Variants in CTNNA2 observed in about 807,000 individuals in gnomAD.
CTNNA2 encodes the protein catenin alpha-2.
CTNNA2 carries 42 observed loss-of-function variants against 101.0 expected under a neutral mutation model. The observed-to-expected ratio is 0.42, with a 90% CI of 0.32 to 0.54. The LOEUF is 0.54. Among genes scored for constraint, CTNNA2 ranks in the 20% least tolerant of loss-of-function variants. The pLI is 0.14. For missense variants in CTNNA2, 871 were observed against 1,223.1 expected (o/e 0.71, Z 4.29); for synonymous variants, 450 against 456.4 (o/e 0.99, Z 0.18).
chr2:79,468,421 A>T (rs1233973755), intron 4 of CTNNA2, among the ~76,000 whole-genome samples: 2 of 152,142 alleles, frequency 1.3e-5, no homozygotes, highest in Admixed American at 6.5e-5. Flanking sequence ...CTCCCACACA[A>T]TAATAATGGG....
intron 8 of CTNNA2, among the ~76,000 whole-genome samples, chr2:80,410,058 G>T (rs1679427574): frequency 6.6e-6 from 1 of 152,294 alleles, no homozygotes; most frequent in African/African-American, 2.4e-5. Context: ...ACTGGGGAGA[G>T]ATATTTTTTT....
At chr2:79,990,452 G>A (rs1574485560) in intron 7 of CTNNA2, among the ~76,000 whole-genome samples, 2 of 152,114 alleles carry the variant, frequency 1.3e-5, no homozygotes, top group South Asian at 2.1e-4. Flanking sequence ...ATACACGGTG[G>A]CTAAGAAAAC....
At chr2:80,477,756 T>C (rs1031000674) in intron 9 of CTNNA2, among the ~76,000 whole-genome samples, 2 of 151,956 alleles carry the variant, frequency 1.3e-5, no homozygotes, top group South Asian at 2.1e-4. Flanking sequence ...TGTGTGTGTG[T>C]GTGTGTATCT....
intron 1 of CTNNA2, among the ~76,000 whole-genome samples, chr2:79,561,772 T>C (rs935372481): frequency 2.0e-5 from 3 of 151,944 alleles, no homozygotes; most frequent in African/African-American, 7.2e-5. Flanking sequence ...GAGAAATATC[T>C]ATTCAGATCT....
At position 80,303,721 on chromosome 2, in the gene CTNNA2, G is replaced by A. The variant is rs200387230; in HGVS notation, c.1057-89490G>A. The A allele has an allele frequency of 1.2e-6, 2 of 1,606,332 alleles. No homozygotes were observed. The highest frequency in any genetic ancestry group is 1.7e-5 in the Admixed American group (1 of 59,528). On this transcript the variant is annotated intron_variant, in intron 7 of 18. Coordinates refer to ENST00000402739, the MANE Select transcript of CTNNA2 (RefSeq NM_001282597.3). This position sits in a 1 kb window ranked among gnomAD's most constrained non-coding sequence, Gnocchi z 7.7. ...GCTGCGGGCACCCGCTGGGGGCGGCGGGCAGCATCTGAAAGCAGGCCCCCA... is the reference window on the plus strand; with the variant it reads ...GCTGCGGGCACCCGCTGGGGGCGGCAGGCAGCATCTGAAAGCAGGCCCCCA...
At chr2:80,413,448 G>A (rs556753621) in intron 8 of CTNNA2, among the ~76,000 whole-genome samples, 2 of 152,300 alleles carry the variant, frequency 1.3e-5, no homozygotes, top group East Asian at 3.9e-4. Context: ...TTCTTTAAAT[G>A]TCTTCCCTAG....
At chr2:80,544,424 TTG>T (rs1351546264) in intron 9 of CTNNA2, among the ~76,000 whole-genome samples, 1 of 152,162 alleles carries the variant, frequency 6.6e-6, no homozygotes, top group Non-Finnish European at 1.5e-5. Flanking sequence ...CCATTGTGTA[TTG>T]AATGCTACGA....
chr2:80,144,858 G>A (rs550141013), intron 7 of CTNNA2, among the ~76,000 whole-genome samples: 128 of 152,188 alleles, frequency 8.4e-4, no homozygotes, highest in African/African-American at 2.9e-3. Flanking sequence ...CACAACTGAC[G>A]TTTGGGGCTG....
chr2:79,675,562 T>A (rs1008712814), intron 2 of CTNNA2, among the ~76,000 whole-genome samples: 5 of 152,198 alleles, frequency 3.3e-5, no homozygotes, highest in African/African-American at 1.2e-4. Flanking sequence ...AACGCAGTTT[T>A]AACTACATAA....
At chr2:80,523,046 C>T (rs777670113) in intron 9 of CTNNA2, among the ~76,000 whole-genome samples, 1 of 151,962 alleles carries the variant, frequency 6.6e-6, no homozygotes, top group African/African-American at 2.4e-5. Flanking sequence ...AGTGAGAAGC[C>T]AGAGTCTGGG....
chr2:79,673,137 A>G (rs1206252332), intron 2 of CTNNA2, among the ~76,000 whole-genome samples: 3 of 152,162 alleles, frequency 2.0e-5, no homozygotes, highest in Non-Finnish European at 4.4e-5. Flanking sequence ...TTAGTTTCTA[A>G]GATTTTTTAA....
At chr2:79,248,941 CAG>C (rs1674732895) in intron 2 of CTNNA2, among the ~76,000 whole-genome samples, 1 of 152,152 alleles carries the variant, frequency 6.6e-6, no homozygotes, top group South Asian at 2.1e-4. Flanking sequence ...TTTTTCAACA[CAG>C]AGTTACTTAG....
intron 7 of CTNNA2, among the ~76,000 whole-genome samples, chr2:80,238,124 C>A (rs1205393282): frequency 1.3e-5 from 2 of 152,268 alleles, no homozygotes; most frequent in African/African-American, 4.8e-5. Context: ...CAGCACTGTT[C>A]TGGACTGTAA....
chr2:80,544,117 C>G (rs1691824226), intron 9 of CTNNA2, among the ~76,000 whole-genome samples: 1 of 152,086 alleles, frequency 6.6e-6, no homozygotes, highest in African/African-American at 2.4e-5. Context: ...AACTTGAATT[C>G]AGTCCAGCTG....
intron 9 of CTNNA2, among the ~76,000 whole-genome samples, chr2:80,429,196 C>A (rs1681260522): frequency 6.6e-6 from 1 of 152,076 alleles, no homozygotes; most frequent in South Asian, 2.1e-4. Context: ...TAAAGCATTG[C>A]AGAAAAGTTC....
In CTNNA2 at chr2:80,239,966, G is replaced by A. The variant is rs1454074186; in HGVS notation, c.1057-153245G>A. On this transcript the variant is annotated intron_variant, in intron 7 of 18. Transcript: ENST00000402739. Reference sequence around the variant, plus strand: ...CAAAACAAAGTCATAACAATATACTGTAATAAAAGCTGTGTGAATGTTTAT... The same window carrying A: ...CAAAACAAAGTCATAACAATATACTATAATAAAAGCTGTGTGAATGTTTAT... 2.6e-5 allele frequency among the ~76,000 whole-genome samples: 4 copies of A among 152,088 alleles called. No homozygotes were observed. In the South Asian group the frequency reaches 8.3e-4, roughly 32 times the overall value.
At chr2:80,328,709 A>G (rs1220139073) in intron 7 of CTNNA2, among the ~76,000 whole-genome samples, 4 of 152,350 alleles carry the variant, frequency 2.6e-5, no homozygotes, top group Middle Eastern at 3.4e-3. Flanking sequence ...TGTATGTTTG[A>G]TGACAGTCAT....
At chr2:80,132,823 AT>A (rs1459606157) in intron 7 of CTNNA2, among the ~76,000 whole-genome samples, 2 of 152,184 alleles carry the variant, frequency 1.3e-5, no homozygotes, top group Non-Finnish European at 2.9e-5. Context: ...AAAAGAAAAA[AT>A]AAGTGATTTT....
At chr2:80,465,844 T>C (rs1247695356) in intron 9 of CTNNA2, among the ~76,000 whole-genome samples, 1 of 152,220 alleles carries the variant, frequency 6.6e-6, no homozygotes, top group Non-Finnish European at 1.5e-5. Flanking sequence ...CACTAATGTT[T>C]TCCTGAATTT....
Sources: allele counts gnomAD v4.1 joint callset (sites outside exome capture counted in the v4.1 genomes callset), GRCh38; gene constraint gnomAD v4.1.1; non-coding constraint Gnocchi (gnomAD v3.1); transcripts MANE v1.5; gene names NCBI Gene and HGNC (gene_info 2026-07-23, HGNC 2026-07-21).